Variants in NTM observed in about 807,000 individuals in gnomAD.
The protein encoded by NTM is neurotrimin.
Under a neutral mutation model 42.1 loss-of-function variants are expected in NTM, and 13 were observed. The observed-to-expected ratio is 0.31, with a 90% CI of 0.20 to 0.49. The LOEUF (loss-of-function observed/expected upper bound fraction) is 0.49, where lower values mean the gene tolerates loss of function less well. Among genes scored for constraint, NTM ranks in the 20% least tolerant of loss-of-function variants. The pLI is 0.99. For synonymous variants in NTM, 187 were observed against 179.2 expected, an observed-to-expected ratio of 1.04 and a Z score of -0.35; for missense variants, 373 against 452.8, an observed-to-expected ratio of 0.82 and a Z score of 1.60.
At chr11:131,487,746 G>T (rs1565554695) in intron 1 of NTM, among the ~76,000 whole-genome samples, 2 of 149,760 alleles carry the variant, frequency 1.3e-5, no homozygotes, top group East Asian at 3.9e-4. Context: ...AGAAAAAGGG[G>T]GAAGGGATAA....
intron 4 of NTM, among the ~76,000 whole-genome samples, chr11:132,257,145 C>T (rs1032512058): frequency 2.0e-4 from 30 of 152,274 alleles, no homozygotes; most frequent in African/African-American, 7.0e-4. Context: ...GCATGAAGCA[C>T]GCTTACAAGA....
chr11:131,968,526 T>C (rs536958538), intron 2 of NTM, among the ~76,000 whole-genome samples: 1 of 152,274 alleles, frequency 6.6e-6, no homozygotes, highest in African/African-American at 2.4e-5. Flanking sequence ...CATCTGGAGA[T>C]ACAAAGGGAT....
chr11:131,820,620 C>T (rs796797156), intron 1 of NTM, among the ~76,000 whole-genome samples: 1 of 152,166 alleles, frequency 6.6e-6, no homozygotes, highest in Non-Finnish European at 1.5e-5. Context: ...GTTCACTATC[C>T]TTAATTTGAT....
intron 1 of NTM, among the ~76,000 whole-genome samples, chr11:131,726,000 A>G (rs911669216): frequency 2.0e-5 from 3 of 152,104 alleles, no homozygotes; most frequent in Non-Finnish European, 2.9e-5. Context: ...ACACTTTAAG[A>G]TTTGCTCTAA....
chr11:131,955,653 T>G (rs757624487), intron 2 of NTM, among the ~76,000 whole-genome samples: 4 of 152,148 alleles, frequency 2.6e-5, no homozygotes, highest in Non-Finnish European at 5.9e-5. Flanking sequence ...GTGCTGAGTA[T>G]GTGGCACCAA....
chr11:132,146,618 C>T lies in NTM; in HGVS notation c.400+104C>T. The stretch of plus-strand genomic sequence containing the variant: ...TCAACAGAGATGAGTTATCCTTATT[C>T]TACGCATCTGGGGTCCAGGGCACAT... On this transcript the variant is annotated intron_variant, in intron 3 of 8. Transcript: ENST00000683400. This position sits in a 1 kb window ranked among gnomAD's most constrained non-coding sequence, Gnocchi z 4.5. 8.1e-7 allele frequency: 1 copy of T among 1,228,572 alleles called. No homozygotes were observed. Among genetic ancestry groups the T allele is most frequent in the Non-Finnish European group, 1.1e-6 (1 of 885,800 alleles). 76.1% of individuals were successfully genotyped at this position (1,228,572 alleles called of 1,614,324 possible). A position where few individuals can be genotyped will look rare whatever the true frequency, so the allele number is the denominator to read the frequency against.
intron 1 of NTM, among the ~76,000 whole-genome samples, chr11:131,602,339 G>A (rs910378137): frequency 6.6e-5 from 10 of 152,184 alleles, no homozygotes; most frequent in South Asian, 2.1e-4. Flanking sequence ...CATGCAGTGC[G>A]GTGTTCAGAG....
chr11:131,712,024 C>T (rs1485531087), intron 1 of NTM, among the ~76,000 whole-genome samples: 2 of 148,714 alleles, frequency 1.3e-5, no homozygotes, highest in African/African-American at 2.5e-5. Context: ...GGAGGTATAC[C>T]TAATGCTAAA....
At chr11:131,567,320 C>T (rs1472562392) in intron 1 of NTM, among the ~76,000 whole-genome samples, 1 of 152,104 alleles carries the variant, frequency 6.6e-6, no homozygotes, top group African/African-American at 2.4e-5. Flanking sequence ...AACCCCTTCT[C>T]TACTAAAAAT....
At chr11:132,298,100 A>T (rs2094692817) in intron 4 of NTM, among the ~76,000 whole-genome samples, 1 of 152,154 alleles carries the variant, frequency 6.6e-6, no homozygotes, top group Non-Finnish European at 1.5e-5. Flanking sequence ...CTCTTAAGTC[A>T]ATAGAATTCC....
chr11:131,983,265 G>A (rs568979624), intron 2 of NTM, among the ~76,000 whole-genome samples: 35 of 152,042 alleles, frequency 2.3e-4, no homozygotes, highest in African/African-American at 8.0e-4. Context: ...CTGGAGTTGG[G>A]GAGACACAGG....
At chr11:132,235,827 T>A (rs1383614602) in intron 4 of NTM, among the ~76,000 whole-genome samples, 1 of 152,238 alleles carries the variant, frequency 6.6e-6, no homozygotes, top group African/African-American at 2.4e-5. Context: ...TGCAGTCTAT[T>A]TGAACAATGT....
intron 1 of NTM, among the ~76,000 whole-genome samples, chr11:131,784,482 C>CA (rs1337172381): frequency 1.3e-5 from 2 of 151,894 alleles, no homozygotes; most frequent in Admixed American, 6.6e-5. Flanking sequence ...TATGCTGAGC[C>CA]AAAAAAACTA....
chr11:131,816,771 A>G (rs987306190), intron 1 of NTM, among the ~76,000 whole-genome samples: 12 of 152,110 alleles, frequency 7.9e-5, no homozygotes, highest in African/African-American at 2.9e-4. Context: ...AAATTGGGCT[A>G]TTCATCATTT....
rs547326867 is a variant in NTM, at chr11:132,088,818, T to A, written c.168-57464T>A. Among the ~76,000 whole-genome samples, 8 of 152,332 alleles carry A rather than the reference T, an allele frequency of 5.3e-5. No individual in the cohort carries two copies. In the South Asian group the frequency reaches 1.7e-3, roughly 32 times the overall value. On this transcript the variant is annotated intron_variant, in intron 2 of 8. Coordinates refer to ENST00000683400, the MANE Select transcript of NTM (RefSeq NM_001352005.2). ...GGACACTTCCCTATTTGCCTAGGCATTTGGCTGTCTCCTGCCTCTATCAGG... is the reference window on the plus strand; with the variant it reads ...GGACACTTCCCTATTTGCCTAGGCAATTGGCTGTCTCCTGCCTCTATCAGG...
Position 131,566,746 on chromosome 11 carries a change from C to A in NTM, c.82+195858C>A, listed in dbSNP as rs1347256076. Among the ~76,000 whole-genome samples, 3 of 152,110 alleles carry A rather than the reference C, an allele frequency of 2.0e-5. No individual in the cohort carries two copies. In the East Asian group the frequency reaches 5.8e-4, roughly 29 times the overall value. On this transcript the variant is annotated intron_variant, in intron 1 of 8. Transcript: ENST00000683400. ...AAAGTGCTAAGGTTTCCTGCTTTCG[C>A]TTGGGTTGTATTTTTATTAAGCTGT...
At chr11:131,833,853 A>G (rs1474307879) in intron 1 of NTM, among the ~76,000 whole-genome samples, 1 of 152,132 alleles carries the variant, frequency 6.6e-6, no homozygotes, top group Non-Finnish European at 1.5e-5. Context: ...GTAACAACTC[A>G]ATTTCTGTTT....
chr11:132,138,158 G>A (rs1315774078), intron 2 of NTM, among the ~76,000 whole-genome samples: 2 of 152,084 alleles, frequency 1.3e-5, no homozygotes, highest in South Asian at 2.1e-4. Context: ...AAGCAAGCAC[G>A]AGTCATGTGT....
intron 2 of NTM, among the ~76,000 whole-genome samples, chr11:132,142,499 T>C (rs142978266): frequency 1.6e-4 from 25 of 152,324 alleles, no homozygotes; most frequent in African/African-American, 6.0e-4. Context: ...CACTTTTCTT[T>C]TTTTAACCGA....
Sources: gnomAD v4.1 joint callset for allele counts (sites outside exome capture counted in the v4.1 genomes callset) on GRCh38, gnomAD v4.1.1 for gene constraint, Gnocchi (gnomAD v3.1) non-coding constraint, MANE v1.5 for transcripts, NCBI Gene and HGNC (gene_info 2026-07-23, HGNC 2026-07-21) for gene names.